Variants in CSGALNACT1 observed in about 807,000 individuals in gnomAD.
CSGALNACT1 encodes the protein beta4GalNAcT-1.
A neutral mutation model predicts 51.0 loss-of-function variants in CSGALNACT1; 52 were observed. That is an observed-to-expected ratio of 1.02 (90% CI 0.82 to 1.29). CSGALNACT1 has a LOEUF of 1.29. Among genes scored for constraint, CSGALNACT1 ranks in the 50% most tolerant of loss-of-function variants. The pLI is 0.00. For missense variants in CSGALNACT1, 935 were observed against 679.2 expected, an observed-to-expected ratio of 1.38 and a Z score of -4.19; for synonymous variants, 341 against 254.4, an observed-to-expected ratio of 1.34 and a Z score of -3.24.
intron 4 of CSGALNACT1, among the ~76,000 whole-genome samples, chr8:19,502,334 T>C (rs1366329834): frequency 6.6e-6 from 1 of 152,194 alleles, no homozygotes; most frequent in Non-Finnish European, 1.5e-5. Flanking sequence ...ATGTTCAGTC[T>C]CTTGTTGGTG....
chr8:19,492,862 T>A (rs887033262), intron 4 of CSGALNACT1, among the ~76,000 whole-genome samples: 4 of 152,220 alleles, frequency 2.6e-5, no homozygotes, highest in African/African-American at 4.8e-5. Context: ...AGATTTTTCA[T>A]AGTTTTGTCT....
intron 3 of CSGALNACT1, among the ~76,000 whole-genome samples, chr8:19,533,282 A>C (rs922424249): frequency 2.6e-5 from 4 of 151,866 alleles, no homozygotes; most frequent in Non-Finnish European, 5.9e-5. Flanking sequence ...ACACCTAGCT[A>C]ATTTTTTTAT....
chr8:19,679,383 G>A (rs766837336), intron 1 of CSGALNACT1, among the ~76,000 whole-genome samples: 9 of 152,054 alleles, frequency 5.9e-5, no homozygotes, highest in Non-Finnish European at 1.0e-4. Flanking sequence ...TTGAGCTCAG[G>A]GAGGTCGAGG....
intron 1 of CSGALNACT1, chr8:19,678,910 A>G (rs1194167011): frequency 6.6e-6 from 1 of 152,230 alleles, no homozygotes; most frequent in African/African-American, 2.4e-5. Flanking sequence ...CAATGCAATT[A>G]GTGGTTACTC....
chr8:19,509,216 G>A (rs934199555), intron 3 of CSGALNACT1, among the ~76,000 whole-genome samples: 43 of 152,282 alleles, frequency 2.8e-4, no homozygotes, highest in African/African-American at 1.0e-3. Context: ...TTATACTGAA[G>A]AGGCTGGGAG....
At chr8:19,692,736 G>C (rs1285593611) in intron 1 of CSGALNACT1, among the ~76,000 whole-genome samples, 2 of 152,136 alleles carry the variant, frequency 1.3e-5, no homozygotes, top group African/African-American at 2.4e-5. Flanking sequence ...TTTCAAGAGG[G>C]TTTGGTGGAG....
chr8:19,619,589 G>C lies in CSGALNACT1; in HGVS notation c.-543-17724C>G, dbSNP rs551829816. ...GGTGCCAGACTAGGGGCAGGTTCAA[G>C]AGACATTCTAGGCATAGAGTCAGGG... On this transcript the variant is annotated intron_variant, in intron 1 of 9. Coordinates refer to the CSGALNACT1 transcript ENST00000332246. Among the ~76,000 whole-genome samples, 5 of 152,294 alleles carry C rather than the reference G, an allele frequency of 3.3e-5. 1 individual carries two copies. The South Asian group carries it at 1.0e-3, about 32-fold the overall frequency.
chr8:19,504,145 C>T (rs984913513), intron 4 of CSGALNACT1, among the ~76,000 whole-genome samples: 8 of 151,718 alleles, frequency 5.3e-5, no homozygotes, highest in Non-Finnish European at 1.0e-4. Context: ...GGTGTGATCT[C>T]GGCTCACTGC....
intron 1 of CSGALNACT1, among the ~76,000 whole-genome samples, chr8:19,682,204 G>C (rs527755757): frequency 2.0e-5 from 3 of 152,216 alleles, no homozygotes; most frequent in African/African-American, 4.8e-5. Flanking sequence ...CAGCTACTTA[G>C]ACACATGGAA....
At chr8:19,539,232 G>A (rs931072386) in intron 3 of CSGALNACT1, among the ~76,000 whole-genome samples, 1 of 152,090 alleles carries the variant, frequency 6.6e-6, no homozygotes, top group African/African-American at 2.4e-5. Flanking sequence ...TAGCAAACTT[G>A]CAGTACACAA....
chr8:19,418,615 A>G (rs2057340412), intron 8 of CSGALNACT1, 41 bp downstream of exon 7: 2 of 1,334,148 alleles, frequency 1.5e-6, no homozygotes, highest in African/African-American at 1.4e-5. Flanking sequence ...GACAGACACT[A>G]AACAGAGCCA....
chr8:19,628,074 G>A (rs1290805859), intron 1 of CSGALNACT1, among the ~76,000 whole-genome samples: 2 of 152,286 alleles, frequency 1.3e-5, no homozygotes, highest in Admixed American at 6.5e-5. Flanking sequence ...TGAGCACTGT[G>A]TGCTGACATT....
chr8:19,579,250 C>G (rs535877800), intron 3 of CSGALNACT1, among the ~76,000 whole-genome samples: 6 of 152,300 alleles, frequency 3.9e-5, no homozygotes, highest in African/African-American at 1.4e-4. Flanking sequence ...CGTCACTTTC[C>G]TCTGTTCCCA....
intron 1 of CSGALNACT1, among the ~76,000 whole-genome samples, chr8:19,747,835 A>G (rs2064777558): frequency 6.6e-6 from 1 of 152,182 alleles, no homozygotes; most frequent in African/African-American, 2.4e-5. Flanking sequence ...AGAAAAGAAA[A>G]AAAGAAAGAT....
intron 3 of CSGALNACT1, among the ~76,000 whole-genome samples, chr8:19,579,584 G>T (rs1264847769): frequency 6.6e-6 from 1 of 152,158 alleles, no homozygotes; most frequent in African/African-American, 2.4e-5. Flanking sequence ...ATAGGTATTT[G>T]TCTCTACCAT....
upstream of CSGALNACT1, among the ~76,000 whole-genome samples, chr8:19,606,832 C>T (rs532554796): frequency 2.0e-5 from 3 of 152,148 alleles, no homozygotes; most frequent in South Asian, 2.1e-4. Context: ...TTAAAGGATA[C>T]CCAATATTAT....
At chr8:19,732,819 T>G (rs1316861591) in intron 1 of CSGALNACT1, among the ~76,000 whole-genome samples, 1 of 152,238 alleles carries the variant, frequency 6.6e-6, no homozygotes, top group Non-Finnish European at 1.5e-5. Context: ...GGCAGTTTAA[T>G]TGTTGTTGTG....
At chr8:19,413,662 G>A (rs568201644) in intron 8 of CSGALNACT1, among the ~76,000 whole-genome samples, 89 of 152,348 alleles carry the variant, frequency 5.8e-4, no homozygotes, top group Admixed American at 1.7e-3. Context: ...GGTCAAGGGT[G>A]TGACCAGAGA....
intron 3 of CSGALNACT1, among the ~76,000 whole-genome samples, chr8:19,554,525 G>A (rs961989065): frequency 4.4e-5 from 2 of 45,744 alleles, no homozygotes; most frequent in African/African-American, 2.0e-4. Context: ...CTAAAAATGC[G>A]ATGCAACCAT....
Sources: allele counts gnomAD v4.1 joint callset (sites outside exome capture counted in the v4.1 genomes callset), GRCh38; gene constraint gnomAD v4.1.1; transcripts MANE v1.5; gene names NCBI Gene and HGNC (gene_info 2026-07-23, HGNC 2026-07-21).